Variants in GLIS3 observed in about 807,000 individuals in gnomAD.
GLIS3 encodes the protein zinc finger protein GLIS3.
A neutral mutation model predicts 78.6 loss-of-function variants in GLIS3; 53 were observed. The observed-to-expected ratio is 0.67, with a 90% CI of 0.54 to 0.85. The LOEUF is 0.85. Ranked by LOEUF, GLIS3 falls within the 40% of genes least tolerant of loss-of-function variation. The pLI is 0.00. For missense variants in GLIS3, 1,703 were observed against 1,231.1 expected (o/e 1.38, Z -5.74); for synonymous variants, 684 against 509.9 (o/e 1.34, Z -4.60).
In GLIS3 at chr9:4,159,030, G is replaced by GAAAAAAAAAAAAAAAAAAAAAA. The variant is rs141412126; in HGVS notation, c.389-33090_389-33089insTTTTTTTTTTTTTTTTTTTTTT. ...GCTTGGTATGCTAGAGAAAGGAGAA[G>GAAAAAAAAAAAAAAAAAAAAAA]AAGAAAAAAAAAAAAAAAAGCCAGG... On this transcript the variant is annotated intron_variant, in intron 2 of 10. Transcript: ENST00000381971. 1.3e-4 allele frequency among the ~76,000 whole-genome samples: 10 copies of GAAAAAAAAAAAAAAAAAAAAAA among 79,094 alleles called. 2 individuals carry two copies. The highest frequency in any genetic ancestry group is 1.4e-4 in the Admixed American group (1 of 6,986). The allele number at this position is 79,094 out of a possible 152,430, so 51.9% of individuals were successfully genotyped here.
chr9:4,429,415 C>T, the GLIS3 span, among the ~76,000 whole-genome samples: 5 of 152,112 alleles, frequency 3.3e-5, no homozygotes, highest in African/African-American at 1.2e-4. Flanking sequence ...AGCCTTTGCA[C>T]ATGTGGCTCT....
chr9:4,463,426 C>T, the GLIS3 span, among the ~76,000 whole-genome samples: 1 of 152,150 alleles, frequency 6.6e-6, no homozygotes, highest in South Asian at 2.1e-4. Context: ...TCTCACCCAA[C>T]CCTCTCTCCT....
chr9:3,976,251 TGA>T (rs1432978555), intron 4 of GLIS3, among the ~76,000 whole-genome samples: 2 of 152,062 alleles, frequency 1.3e-5, no homozygotes, highest in African/African-American at 4.8e-5. Context: ...AGTTAGAAGA[TGA>T]GAGGGGAGGC....
chr9:4,442,897 G>A, the GLIS3 span, among the ~76,000 whole-genome samples: 4 of 151,996 alleles, frequency 2.6e-5, no homozygotes, highest in African/African-American at 9.7e-5. Context: ...CAGAACACAA[G>A]CTCATAAGAA....
chr9:4,061,609 G>A (rs1826661705), intron 4 of GLIS3, among the ~76,000 whole-genome samples: 1 of 152,100 alleles, frequency 6.6e-6, no homozygotes, highest in Non-Finnish European at 1.5e-5. Flanking sequence ...AACTACAAAG[G>A]ATATATATTA....
intron 2 of GLIS3, among the ~76,000 whole-genome samples, chr9:4,279,348 C>CACACACAG (rs1827336734): frequency 3.1e-5 from 2 of 64,832 alleles, no homozygotes; most frequent in African/African-American, 9.5e-5. Context: ...CACACACACA[C>CACACACAG]ACACACACAC....
chr9:4,173,559 G>A (rs1203697963), intron 2 of GLIS3, among the ~76,000 whole-genome samples: 2 of 100,950 alleles, frequency 2.0e-5, no homozygotes, highest in Admixed American at 2.1e-4. Flanking sequence ...TGTGTGTATA[G>A]ATACACACAC....
the GLIS3 span, among the ~76,000 whole-genome samples, chr9:4,400,722 C>T: frequency 6.6e-6 from 1 of 152,214 alleles, no homozygotes; most frequent in Non-Finnish European, 1.5e-5. Flanking sequence ...TTGGATACCA[C>T]CTTAGCCACA....
At position 4,230,308 on chromosome 9, in the gene GLIS3, G is replaced by T. The variant is rs573419810; in HGVS notation, c.388+55730C>A. On this transcript the variant is annotated intron_variant, in intron 2 of 10. Transcript: ENST00000381971. ...AAGGTCAATGAAATACCGAACTGCA[G>T]GCCAGAAGCAGGCAGGGGCAACAGA... 3.7e-4 allele frequency among the ~76,000 whole-genome samples: 56 copies of T among 152,328 alleles called. 1 individual carries two copies. Among genetic ancestry groups the T allele is most frequent in the Non-Finnish European group, 2.9e-5 (2 of 68,018 alleles).
rs577308323 is a variant in GLIS3, at chr9:4,124,207, T to C, written c.596+1527A>G. On this transcript the variant is annotated intron_variant, in intron 3 of 10. Transcript: ENST00000381971. ...GCTCATCCTGAAAAAAAAAATTCCATAGAAGGACTCAAATAATAAATACAT... is the reference window on the plus strand; with the variant it reads ...GCTCATCCTGAAAAAAAAAATTCCACAGAAGGACTCAAATAATAAATACAT... Among the ~76,000 whole-genome samples, 15 of 152,126 alleles carry C rather than the reference T, an allele frequency of 9.9e-5. No individual in the cohort carries two copies. In the South Asian group the frequency reaches 1.2e-3, roughly 13 times the overall value.
intron 4 of GLIS3, among the ~76,000 whole-genome samples, chr9:4,084,296 A>ACACACACACACACACACAC (rs1564025137): frequency 2.1e-5 from 1 of 48,758 alleles, no homozygotes. Flanking sequence ...CACACACACA[A>ACACACACACACACACACAC]ATTCCTAGCC....
chr9:4,221,951 C>T (rs992611886), intron 2 of GLIS3, among the ~76,000 whole-genome samples: 2 of 152,222 alleles, frequency 1.3e-5, no homozygotes, highest in African/African-American at 4.8e-5. Context: ...CTATGTACAG[C>T]TCTGCAAAGC....
At position 3,972,236 on chromosome 9, in the gene GLIS3, G is replaced by T. The variant is rs186534207; in HGVS notation, c.1711-35047C>A. The stretch of plus-strand genomic sequence containing the variant: ...AGGTCCTCTTATCCCCTCCAGTAAG[G>T]CTTAAGATGGTTCTTCTCTTTTTAG... On this transcript the variant is annotated intron_variant, in intron 4 of 10. Coordinates refer to ENST00000381971, the MANE Select transcript of GLIS3 (RefSeq NM_001042413.2). Among the ~76,000 whole-genome samples, 23 of 152,252 alleles carry T rather than the reference G, an allele frequency of 1.5e-4. No individual in the cohort carries two copies. In the East Asian group the frequency reaches 4.2e-3, roughly 28 times the overall value.
chr9:4,117,817 A>G lies in GLIS3; in HGVS notation c.1661T>C (p.Leu554Pro), dbSNP rs766486726. The change falls in exon 4 of 11, where the codon CTG becomes CCG. Residue 554 changes from leucine (L) to proline (P), a missense_variant. Coordinates refer to ENST00000381971, the MANE Select transcript of GLIS3 (RefSeq NM_001042413.2). ...RYKPFNARYK[L>P]LIHMRVHSGE... ...AGAGTGGACTCTCATGTGGATCAGC[A>G]GTTTATAGCGGGCGTTGAAGGGCTT... 1 of 1,614,136 alleles carries G rather than the reference A, an allele frequency of 6.2e-7. No individual in the cohort carries two copies. The highest frequency in any genetic ancestry group is 8.5e-7 in the Non-Finnish European group (1 of 1,180,024).
At chr9:4,253,789 G>C (rs957377536) in intron 2 of GLIS3, among the ~76,000 whole-genome samples, 9 of 152,214 alleles carry the variant, frequency 5.9e-5, no homozygotes, top group African/African-American at 2.2e-4. Flanking sequence ...CATGGGAAAA[G>C]CGCAGTATCT....
At chr9:4,424,946 A>G in the GLIS3 span, among the ~76,000 whole-genome samples, 10 of 152,064 alleles carry the variant, frequency 6.6e-5, no homozygotes, top group African/African-American at 2.4e-4. Flanking sequence ...GGACAGTGAA[A>G]TGTAAACAGG....
At chr9:4,191,982 G>C (rs1054788040) in intron 2 of GLIS3, among the ~76,000 whole-genome samples, 3 of 151,896 alleles carry the variant, frequency 2.0e-5, no homozygotes, top group East Asian at 1.9e-4. Flanking sequence ...TTTTGGAGGA[G>C]GTCTCTAAAA....
chr9:4,444,687 G>A, the GLIS3 span, among the ~76,000 whole-genome samples: 1 of 152,218 alleles, frequency 6.6e-6, no homozygotes, highest in Non-Finnish European at 1.5e-5. Flanking sequence ...GAACACATAT[G>A]AAGAGCCAAA....
At chr9:4,259,884 G>C (rs141511192) in intron 2 of GLIS3, among the ~76,000 whole-genome samples, 2 of 152,212 alleles carry the variant, frequency 1.3e-5, no homozygotes, top group African/African-American at 4.8e-5. Flanking sequence ...GTAAAACGGA[G>C]AAAATGTGTT....
Sources: allele counts gnomAD v4.1 joint callset (sites outside exome capture counted in the v4.1 genomes callset), GRCh38; gene constraint gnomAD v4.1.1; transcripts MANE v1.5; gene names NCBI Gene and HGNC (gene_info 2026-07-23, HGNC 2026-07-21).